Variants in DAB1 observed in about 807,000 individuals in gnomAD.
The protein encoded by DAB1 is disabled homolog 1.
DAB1 carries 15 observed loss-of-function variants against 64.6 expected under a neutral mutation model. The ratio of observed to expected loss-of-function variants is 0.23; its 90% CI spans 0.16 to 0.36. The LOEUF is 0.36. Ranked by LOEUF, DAB1 falls within the 10% of genes least tolerant of loss-of-function variation. The pLI is 1.00. For missense variants in DAB1, 596 were observed against 706.7 expected (o/e 0.84, Z 1.78); for synonymous variants, 235 against 251.9 (o/e 0.93, Z 0.64).
chr1:58,387,343 G>A (rs917127912), intron 3 of DAB1, among the ~76,000 whole-genome samples: 4 of 152,168 alleles, frequency 2.6e-5, no homozygotes, highest in African/African-American at 9.7e-5. Context: ...AATCACAGGA[G>A]GATGATTAGT....
At chr1:58,500,090 C>T (rs530433427) in intron 3 of DAB1, among the ~76,000 whole-genome samples, 7 of 152,232 alleles carry the variant, frequency 4.6e-5, no homozygotes, top group Non-Finnish European at 8.8e-5. Flanking sequence ...GCATGTTTTT[C>T]TAAAATATCA....
intron 7 of DAB1, among the ~76,000 whole-genome samples, chr1:57,589,331 A>G (rs1338113684): frequency 1.3e-5 from 2 of 152,258 alleles, no homozygotes; most frequent in East Asian, 1.9e-4. Context: ...AAATGAAAAC[A>G]TAAGTAATAA....
chr1:58,227,601 G>A (rs1023215016), intron 4 of DAB1, among the ~76,000 whole-genome samples: 1 of 152,142 alleles, frequency 6.6e-6, no homozygotes, highest in Admixed American at 6.5e-5. Flanking sequence ...AGGTGCCAAA[G>A]CTACAATAAG....
At chr1:57,125,522 A>C (rs938961878) in intron 4 of DAB1, among the ~76,000 whole-genome samples, 2 of 152,200 alleles carry the variant, frequency 1.3e-5, no homozygotes, top group Non-Finnish European at 2.9e-5. Context: ...ATGGCAATAA[A>C]AAAGGTGAGT....
At chr1:58,072,426 T>C (rs1649334164) in intron 5 of DAB1, among the ~76,000 whole-genome samples, 1 of 152,194 alleles carries the variant, frequency 6.6e-6, no homozygotes, top group Admixed American at 6.5e-5. Context: ...GGACTCAAAG[T>C]GCAGTCTTGC....
intron 4 of DAB1, among the ~76,000 whole-genome samples, chr1:57,093,964 G>T (rs542389924): frequency 1.3e-5 from 2 of 152,054 alleles, no homozygotes; most frequent in South Asian, 2.1e-4. Flanking sequence ...AATACAATTA[G>T]CCAGGTGTGG....
chr1:57,204,451 TAA>T (rs10548857), intron 2 of DAB1, among the ~76,000 whole-genome samples: 21,676 of 127,508 alleles, frequency 0.17, 1,947 homozygotes, highest in Admixed American at 0.3. Context: ...GGTCTAGATT[TAA>T]AAAAAAAAAA....
chr1:57,323,997 G>A (rs900753343), intron 1 of DAB1, among the ~76,000 whole-genome samples: 2 of 152,094 alleles, frequency 1.3e-5, no homozygotes, highest in Non-Finnish European at 2.9e-5. Context: ...CAGGCATGGA[G>A]GAGAAAAAAG....
chr1:57,190,831 G>A (rs1664062039), intron 2 of DAB1, among the ~76,000 whole-genome samples: 1 of 152,146 alleles, frequency 6.6e-6, no homozygotes, highest in Non-Finnish European at 1.5e-5. Flanking sequence ...TGTTGACCGA[G>A]GGGCTCCAGT....
At chr1:57,568,980 C>T (rs980794173) in intron 7 of DAB1, among the ~76,000 whole-genome samples, 10 of 151,970 alleles carry the variant, frequency 6.6e-5, no homozygotes, top group South Asian at 2.1e-4. Flanking sequence ...CATGCACGGC[C>T]GGGCGCGGTG....
chr1:57,550,442 C>T (rs983260822), intron 7 of DAB1, among the ~76,000 whole-genome samples: 10 of 152,132 alleles, frequency 6.6e-5, no homozygotes, highest in Non-Finnish European at 1.5e-4. Flanking sequence ...GTAGCTCTCA[C>T]TGACCTTTTA....
In DAB1 at chr1:57,524,058, G is replaced by A. The variant is rs570902115; in HGVS notation, n.625+125534C>T. The stretch of plus-strand genomic sequence containing the variant: ...AGATAAAGTTTAGAAATCATCACAG[G>A]AAGAAACACCAAAGGCAAAGGAATG... On this transcript the variant is annotated intron_variant and non_coding_transcript_variant, in intron 7 of 20. Transcript: ENST00000485760. Among the ~76,000 whole-genome samples, 8 of 152,148 alleles carry A rather than the reference G, an allele frequency of 5.3e-5. No individual in the cohort carries two copies. In the South Asian group the frequency reaches 1.7e-3, roughly 32 times the overall value.
intron 4 of DAB1, among the ~76,000 whole-genome samples, chr1:58,249,021 C>G (rs938106205): frequency 1.3e-5 from 2 of 152,098 alleles, no homozygotes; most frequent in Non-Finnish European, 2.9e-5. Flanking sequence ...AAAGCCACTG[C>G]AAGGCGATTT....
At chr1:58,073,693 C>G (rs1324097796) in intron 5 of DAB1, among the ~76,000 whole-genome samples, 1 of 152,122 alleles carries the variant, frequency 6.6e-6, no homozygotes, top group East Asian at 1.9e-4. Context: ...GTGGGAAATT[C>G]AGGTAGAATT....
chr1:57,934,593 T>C (rs1327163336), intron 5 of DAB1, among the ~76,000 whole-genome samples: 2 of 152,204 alleles, frequency 1.3e-5, no homozygotes, highest in Admixed American at 6.5e-5. Context: ...TGATCTATTA[T>C]AGTTTAACCT....
intron 6 of DAB1, among the ~76,000 whole-genome samples, chr1:57,803,718 G>GA (rs1651236093): frequency 6.6e-6 from 1 of 152,186 alleles, no homozygotes; most frequent in Admixed American, 6.5e-5. Flanking sequence ...ACTAGACCTT[G>GA]AAAAAAGCTA....
chr1:57,933,971 C>T (rs1644988485), intron 5 of DAB1, among the ~76,000 whole-genome samples: 1 of 151,778 alleles, frequency 6.6e-6, no homozygotes, highest in African/African-American at 2.4e-5. Flanking sequence ...TCTTGGCTCA[C>T]TGCAACCTCT....
chr1:57,011,862 G>T (rs1646276773), intron 12 of DAB1, among the ~76,000 whole-genome samples: 2 of 152,220 alleles, frequency 1.3e-5, no homozygotes, highest in South Asian at 4.1e-4. Flanking sequence ...GGTAGAACCA[G>T]ATTCTGAATC....
At chr1:58,197,226 A>G (rs1657725877) in intron 4 of DAB1, among the ~76,000 whole-genome samples, 1 of 152,162 alleles carries the variant, frequency 6.6e-6, no homozygotes, top group South Asian at 2.1e-4. Context: ...ACCACAATAA[A>G]CCCTGACAAG....
Sources: gnomAD v4.1 joint callset for allele counts (sites outside exome capture counted in the v4.1 genomes callset) on GRCh38, gnomAD v4.1.1 for gene constraint, MANE v1.5 for transcripts, NCBI Gene and HGNC (gene_info 2026-07-23, HGNC 2026-07-21) for gene names.